KCNAB2: variants seen among roughly 807,000 people sequenced by gnomAD.
KCNAB2 encodes potassium voltage-gated channel subfamily A regulatory beta subunit 2.
Under a neutral mutation model 63.6 loss-of-function variants are expected in KCNAB2, and 29 were observed. The ratio of observed to expected loss-of-function variants is 0.46; its 90% CI spans 0.34 to 0.62. The LOEUF is 0.62. Among genes scored for constraint, KCNAB2 ranks in the 20% least tolerant of loss-of-function variants. The probability of loss-of-function intolerance (pLI) is 0.01; values close to 1 mark genes in which losing one functional copy is unlikely to be tolerated. For synonymous variants in KCNAB2, 222 were observed against 224.2 expected, an observed-to-expected ratio of 0.99 and a Z score of 0.09; for missense variants, 359 against 563.9, an observed-to-expected ratio of 0.64 and a Z score of 3.68.
upstream of KCNAB2, among the ~76,000 whole-genome samples, chr1:6,029,498 A>G (rs1210565702): frequency 3.3e-5 from 5 of 152,184 alleles, no homozygotes; most frequent in African/African-American, 1.2e-4. Flanking sequence ...ATGTCCAGGA[A>G]GCAGCTGTGG....
At position 6,035,349 on chromosome 1, in the gene KCNAB2, A is replaced by T. The variant is rs1659947242; in HGVS notation, c.-53+555A>T. Among the ~76,000 whole-genome samples, 1 of 152,140 alleles carries T rather than the reference A, an allele frequency of 6.6e-6. No homozygotes were observed. The highest frequency in any genetic ancestry group is 1.5e-5 in the Non-Finnish European group (1 of 68,020). ...TTGGAAGGTTTGGAGTGAAGCAGTG[A>T]CATAATCTGACTTATGTTCTGGGAG... On this transcript the variant is annotated intron_variant, in intron 1 of 15. Transcript: ENST00000164247. This position sits in a 1 kb window ranked among gnomAD's most constrained non-coding sequence, Gnocchi z 5.0.
rs894523947 is a variant in KCNAB2 at position 6,010,046 on chromosome 1, T to C, written c.-53+17258T>C. Among the ~76,000 whole-genome samples the C allele has an allele frequency of 3.3e-5, 5 of 152,124 alleles. No homozygotes were observed. In the East Asian group the frequency reaches 7.7e-4, roughly 23 times the overall value. Reference sequence around the variant, plus strand: ...TCACCACACCCAGCTAATTTTTGTATTTTTAGTAGAGAAGGGGTTTCGGTT... The same window carrying C: ...TCACCACACCCAGCTAATTTTTGTACTTTTAGTAGAGAAGGGGTTTCGGTT... On this transcript the variant is annotated intron_variant, in intron 1 of 16. Coordinates refer to the KCNAB2 transcript ENST00000341524.
At chr1:6,016,853 C>G (rs1486109010) in intron 1 of KCNAB2, among the ~76,000 whole-genome samples, 1 of 152,224 alleles carries the variant, frequency 6.6e-6, no homozygotes, top group East Asian at 1.9e-4. Context: ...CAGAACACCA[C>G]TAATCACACC....
intron 1 of KCNAB2, among the ~76,000 whole-genome samples, chr1:6,048,855 C>G (rs1486082548): frequency 6.6e-6 from 1 of 152,212 alleles, no homozygotes; most frequent in East Asian, 1.9e-4. Context: ...AAGGGAGTGG[C>G]CGGCCAGTAG....
At position 6,073,302 on chromosome 1, in the gene KCNAB2, G is replaced by A. The variant is rs1017446025; in HGVS notation, c.263-431G>A. Among the ~76,000 whole-genome samples, 16 of 146,518 alleles carry A rather than the reference G, an allele frequency of 1.1e-4. No individual in the cohort carries two copies. The highest frequency in any genetic ancestry group is 2.1e-4 in the Non-Finnish European group (14 of 66,540). ...CCGCCCACTGCAGTACACACACCCC[G>A]CCCCCCACCAGCACCCACTGCCCTG... On this transcript the variant is annotated intron_variant, in intron 3 of 15. Transcript: ENST00000378083. This position sits in a 1 kb window ranked among gnomAD's most constrained non-coding sequence, Gnocchi z 5.7.
intron 1 of KCNAB2, among the ~76,000 whole-genome samples, chr1:6,022,337 T>C (rs543580684): frequency 6.7e-6 from 1 of 149,596 alleles, no homozygotes; most frequent in African/African-American, 2.5e-5. Context: ...GTACAGTTCA[T>C]TGGTATTGAG....
At chr1:6,036,076 GGGCAGA>G (rs1660014297) in intron 1 of KCNAB2, 1 of 152,288 alleles carries the variant, frequency 6.6e-6, no homozygotes, top group Admixed American at 6.5e-5. Flanking sequence ...GGAGTGGTGA[GGGCAGA>G]GGCTGATTGG....
rs950115397 is a variant in KCNAB2 at position 6,074,361 on chromosome 1, C to T, written c.300+591C>T. ...ACTAACAAAAAGCCAGCTTGTATGC[C>T]GCCAGCGCCTCTGGGTCTCTCGGAA... is the stretch of plus-strand genomic sequence containing the variant. On this transcript the variant is annotated intron_variant, in intron 4 of 15. Transcript: ENST00000378083. The surrounding 1 kb of genome is among the most constrained non-coding windows in gnomAD (Gnocchi z 4.9). Among the ~76,000 whole-genome samples the T allele has an allele frequency of 2.0e-5, 3 of 152,200 alleles. No individual in the cohort carries two copies. The highest frequency in any genetic ancestry group is 2.1e-4 in the South Asian group (1 of 4,828).
intron 13 of KCNAB2, among the ~76,000 whole-genome samples, 162 bp downstream of exon 13, chr1:6,095,786 G>A (rs1189211997): frequency 2.6e-5 from 4 of 152,034 alleles, no homozygotes; most frequent in Non-Finnish European, 4.4e-5. Flanking sequence ...AGAACATGGA[G>A]CCCCTCCTGG....
Position 6,006,698 on chromosome 1 carries a change from C to T in KCNAB2, c.-53+13910C>T, listed in dbSNP as rs4559532. Among the ~76,000 whole-genome samples the T allele has an allele frequency of 3.2e-3, 213 of 67,344 alleles. 7 individuals carry two copies. The highest frequency in any genetic ancestry group is 5.3e-3 in the Non-Finnish European group (159 of 30,216). 44.2% of individuals were successfully genotyped at this position (67,344 alleles called of 152,430 possible). A position where few individuals can be genotyped will look rare whatever the true frequency, so the allele number is the denominator to read the frequency against. The stretch of plus-strand genomic sequence containing the variant: ...CCACCCCTCAGCTCAGCTCCCACAT[C>T]CCCCACTTCACCCTCACTCCTCAGC... On this transcript the variant is annotated intron_variant, in intron 1 of 16. Transcript: ENST00000341524.
In KCNAB2 at chr1:6,087,529, C is replaced by G; in HGVS notation, c.470+18C>G. 1 of 1,613,708 alleles carries G rather than the reference C, an allele frequency of 6.2e-7. No homozygotes were observed. The highest frequency in any genetic ancestry group is 8.5e-7 in the Non-Finnish European group (1 of 1,179,684). ...GGCGGAAAGTAGGTGCAACAGCTGG[C>G]GATGCTTCCAGCCCCGGCCCAGCAG... On this transcript the variant is annotated intron_variant, in intron 7 of 15. Coordinates refer to ENST00000378083, the MANE Select transcript of KCNAB2 (RefSeq NM_001199862.2). The surrounding 1 kb of genome is among the most constrained non-coding windows in gnomAD (Gnocchi z 6.4).
At chr1:6,051,418 T>C in intron 1 of KCNAB2, 93 bp from the exon 2 acceptor site, 1 of 1,383,642 alleles carries the variant, frequency 7.2e-7, no homozygotes, top group Admixed American at 3.0e-5. Flanking sequence ...TAAAGGATGT[T>C]TCGCTGCAGC....
At chr1:6,040,603 G>C in exon 2 of KCNAB2, 1 of 1,614,088 alleles carries the variant, frequency 6.2e-7, no homozygotes. Flanking sequence ...TCCCCGGCTC[G>C]GCTCTCGCTG....
chr1:6,087,294 C>T lies in KCNAB2; in HGVS notation c.426-173C>T, dbSNP rs995003038. Among the ~76,000 whole-genome samples, 4 of 152,218 alleles carry T rather than the reference C, an allele frequency of 2.6e-5. No homozygotes were observed. The highest frequency in any genetic ancestry group is 4.4e-5 in the Non-Finnish European group (3 of 68,040). Reference sequence around the variant, plus strand: ...GGCTCCATGAGGAGCCCACGCACCCCGGCTGGGCACGTGGTACACATCATA... The same window carrying T: ...GGCTCCATGAGGAGCCCACGCACCCTGGCTGGGCACGTGGTACACATCATA... On this transcript the variant is annotated intron_variant, in intron 6 of 15. Transcript: ENST00000378083. This position sits in a 1 kb window ranked among gnomAD's most constrained non-coding sequence, Gnocchi z 6.4.
chr1:6,098,180 G>A, intron 15 of KCNAB2: 1 of 1,119,698 alleles, frequency 8.9e-7, no homozygotes, highest in Non-Finnish European at 1.1e-6. Context: ...TCACGGACAT[G>A]GAAGTCCAGC....
In KCNAB2 at chr1:6,035,938, G is replaced by A. The variant is rs541467654; in HGVS notation, c.-53+1144G>A. The A allele has an allele frequency of 1.8e-3, 273 of 153,236 alleles. 1 individual carries two copies. The highest frequency in any genetic ancestry group is 2.9e-3 in the Non-Finnish European group (202 of 68,866). 9.5% of individuals were successfully genotyped at this position (153,236 alleles called of 1,614,324 possible). ...ACTGAGAAGGAGTGGCTGGAGGGAT[G>A]AGAGGGGAGCGTGGAGTCCTGGGAG... On this transcript the variant is annotated intron_variant, in intron 1 of 15. Transcript: ENST00000164247. The surrounding 1 kb of genome is among the most constrained non-coding windows in gnomAD (Gnocchi z 5.0).
chr1:6,097,161 C>T (rs2235791), intron 14 of KCNAB2, 108 bp from the exon 15 acceptor site: 153,347 of 1,288,606 alleles, frequency 0.12, 9,559 homozygotes, highest in Admixed American at 0.16. Flanking sequence ...CCCCCTCAGA[C>T]CCCCAGACCA....
intron 1 of KCNAB2, among the ~76,000 whole-genome samples, chr1:6,000,081 C>T (rs1270363177): frequency 2.0e-5 from 3 of 152,120 alleles, no homozygotes; most frequent in African/African-American, 7.2e-5. Context: ...TGCCTGCACT[C>T]TGTCTGTGCC....
intron 4 of KCNAB2, among the ~76,000 whole-genome samples, chr1:6,076,393 G>A (rs752252431): frequency 2.9e-4 from 44 of 152,326 alleles, no homozygotes; most frequent in East Asian, 1.4e-3. Flanking sequence ...GAGCCACCAC[G>A]GTGGTTTCAG....
Sources: gnomAD v4.1 joint callset for allele counts (sites outside exome capture counted in the v4.1 genomes callset) on GRCh38, gnomAD v4.1.1 for gene constraint, Gnocchi (gnomAD v3.1) non-coding constraint, MANE v1.5 for transcripts, NCBI Gene and HGNC (gene_info 2026-07-23, HGNC 2026-07-21) for gene names.